Variants in SNTG1 observed in about 807,000 individuals in gnomAD.
SNTG1 encodes the protein gamma-1-syntrophin.
Under a neutral mutation model 74.7 loss-of-function variants are expected in SNTG1, and 39 were observed. That is an observed-to-expected ratio of 0.52 (90% CI 0.40 to 0.68). SNTG1 has a LOEUF of 0.68. Ranked by LOEUF, SNTG1 falls within the 30% of genes least tolerant of loss-of-function variation. The pLI is 0.00. For missense variants in SNTG1, 685 were observed against 609.5 expected, an observed-to-expected ratio of 1.12 and a Z score of -1.30; for synonymous variants, 254 against 217.1, an observed-to-expected ratio of 1.17 and a Z score of -1.49.
In SNTG1 at chr8:50,140,676, C is replaced by T. The variant is rs569097193; in HGVS notation, c.-102-31885C>T. 5.2e-4 allele frequency among the ~76,000 whole-genome samples: 79 copies of T among 152,108 alleles called. 1 individual carries two copies. In the South Asian group the frequency reaches 8.7e-3, roughly 17 times the overall value. Reference sequence around the variant, plus strand: ...ATACATAATACAAACTCCCCCTTGGCCTGCAGAGACCAAGTGCCAACCTCA... The same window carrying T: ...ATACATAATACAAACTCCCCCTTGGTCTGCAGAGACCAAGTGCCAACCTCA... On this transcript the variant is annotated intron_variant, in intron 1 of 18. Coordinates refer to ENST00000642720, the MANE Select transcript of SNTG1 (RefSeq NM_018967.5).
chr8:50,542,969 G>C lies in SNTG1; in HGVS notation c.680+6161G>C, dbSNP rs2625751. On this transcript the variant is annotated intron_variant, in intron 11 of 18. Coordinates refer to ENST00000642720, the MANE Select transcript of SNTG1 (RefSeq NM_018967.5). ...TGTTATTGAGTTGTTTGAGTGTCCT[G>C]TATATTCTGTTCAGTAATTCTTTGT... Among the ~76,000 whole-genome samples, 568 of 152,102 alleles carry C rather than the reference G, an allele frequency of 3.7e-3. 6 individuals are homozygous for C. The highest frequency in any genetic ancestry group is 0.012 in the African/African-American group (511 of 41,500).
At chr8:50,430,501 A>G (rs988190185) in intron 4 of SNTG1, among the ~76,000 whole-genome samples, 1 of 152,222 alleles carries the variant, frequency 6.6e-6, no homozygotes, top group Non-Finnish European at 1.5e-5. Flanking sequence ...ATACATGTAT[A>G]ATAGTATTAG....
intron 1 of SNTG1, among the ~76,000 whole-genome samples, chr8:50,027,678 T>C (rs527502008): frequency 6.6e-6 from 1 of 152,176 alleles, no homozygotes; most frequent in Non-Finnish European, 1.5e-5. Flanking sequence ...ACTTTTAGCC[T>C]TCCTTACTGT....
intron 8 of SNTG1, among the ~76,000 whole-genome samples, chr8:50,486,657 A>G (rs1377490927): frequency 3.4e-5 from 5 of 147,186 alleles, no homozygotes; most frequent in Non-Finnish European, 6.0e-5. Context: ...TCTCCTGCCT[A>G]ATTGCCCTGG....
At chr8:50,774,433 G>A (rs2095634822) in intron 18 of SNTG1, among the ~76,000 whole-genome samples, 1 of 151,778 alleles carries the variant, frequency 6.6e-6, no homozygotes, top group African/African-American at 2.4e-5. Context: ...GTGGAAGTTA[G>A]AAGGTAATAG....
intron 1 of SNTG1, among the ~76,000 whole-genome samples, chr8:50,139,080 T>C (rs897982988): frequency 6.6e-6 from 1 of 152,200 alleles, no homozygotes; most frequent in Non-Finnish European, 1.5e-5. Flanking sequence ...TATATTTGCT[T>C]ACATTTGTGT....
chr8:50,305,308 T>C (rs1305981388), intron 2 of SNTG1, among the ~76,000 whole-genome samples: 1 of 152,184 alleles, frequency 6.6e-6, no homozygotes, highest in Non-Finnish European at 1.5e-5. Context: ...TTCTTTCTCT[T>C]ATGGTGTACC....
At chr8:50,516,214 G>C (rs1428786097) in intron 9 of SNTG1, among the ~76,000 whole-genome samples, 1 of 151,728 alleles carries the variant, frequency 6.6e-6, no homozygotes, top group Admixed American at 6.6e-5. Flanking sequence ...CTTGATTGTT[G>C]GGAGAAAAAC....
chr8:49,945,842 A>C (rs1427210884), intron 1 of SNTG1, among the ~76,000 whole-genome samples: 2 of 152,350 alleles, frequency 1.3e-5, no homozygotes, highest in East Asian at 1.9e-4. Flanking sequence ...CTTTGTGCAC[A>C]GTGGGACCAA....
intron 2 of SNTG1, among the ~76,000 whole-genome samples, chr8:50,372,913 G>C (rs1334843681): frequency 6.6e-6 from 1 of 152,122 alleles, no homozygotes; most frequent in East Asian, 1.9e-4. Context: ...CCAAGAGACA[G>C]TTGGTAAACA....
chr8:49,958,766 G>A (rs1482101989), intron 1 of SNTG1, among the ~76,000 whole-genome samples: 2 of 152,136 alleles, frequency 1.3e-5, no homozygotes, highest in Non-Finnish European at 2.9e-5. Flanking sequence ...AATGTAGTTA[G>A]GATCACTCTT....
intron 1 of SNTG1, among the ~76,000 whole-genome samples, chr8:50,101,541 T>C (rs182442305): frequency 6.6e-6 from 1 of 151,906 alleles, no homozygotes; most frequent in Admixed American, 6.6e-5. Flanking sequence ...ATGGGGAGTA[T>C]ATTTTCTTAT....
At chr8:50,373,903 C>A (rs1030748014) in intron 2 of SNTG1, among the ~76,000 whole-genome samples, 1 of 152,150 alleles carries the variant, frequency 6.6e-6, no homozygotes, top group Non-Finnish European at 1.5e-5. Context: ...CACCTTTACT[C>A]CACTGTGAAT....
chr8:50,399,222 T>A (rs1412660547), intron 3 of SNTG1, among the ~76,000 whole-genome samples: 1 of 147,046 alleles, frequency 6.8e-6, no homozygotes, highest in African/African-American at 2.5e-5. Flanking sequence ...TGTGTGTGTG[T>A]GTGTGTGCTT....
intron 1 of SNTG1, among the ~76,000 whole-genome samples, chr8:50,006,121 C>A (rs1270317467): frequency 6.6e-6 from 1 of 151,870 alleles, no homozygotes; most frequent in Non-Finnish European, 1.5e-5. Flanking sequence ...TGCCACCATG[C>A]CCAGCTAATT....
intron 3 of SNTG1, among the ~76,000 whole-genome samples, chr8:50,396,453 T>A (rs749891603): frequency 6.6e-6 from 1 of 152,168 alleles, no homozygotes; most frequent in Non-Finnish European, 1.5e-5. Context: ...GAAAAGGCCA[T>A]GATCAAAAGT....
At chr8:50,183,583 C>T (rs1007047841) in intron 2 of SNTG1, among the ~76,000 whole-genome samples, 1 of 152,180 alleles carries the variant, frequency 6.6e-6, no homozygotes, top group African/African-American at 2.4e-5. Context: ...AGTATAATCA[C>T]CATTTACATA....
chr8:50,099,932 G>T lies in SNTG1; in HGVS notation c.-102-72629G>T, dbSNP rs113405245. Among the ~76,000 whole-genome samples, 11 of 152,004 alleles carry T rather than the reference G, an allele frequency of 7.2e-5. 1 individual carries two copies. Among genetic ancestry groups the T allele is most frequent in the African/African-American group, 2.4e-4 (10 of 41,506 alleles). On this transcript the variant is annotated intron_variant, in intron 1 of 18. Transcript: ENST00000642720. ...AAATATTTTCTCCCATTTTGTAGGT[G>T]GTCTTTTCACTGTGTTGTTGATTCC... is the stretch of plus-strand genomic sequence containing the variant.
At chr8:50,789,227 G>A (rs1270400496) in intron 18 of SNTG1, among the ~76,000 whole-genome samples, 1 of 151,848 alleles carries the variant, frequency 6.6e-6, no homozygotes, top group African/African-American at 2.4e-5. Flanking sequence ...AATGGCCTCT[G>A]TGTTGCTAAA....
Sources: gnomAD v4.1 joint callset for allele counts (sites outside exome capture counted in the v4.1 genomes callset) on GRCh38, gnomAD v4.1.1 for gene constraint, MANE v1.5 for transcripts, NCBI Gene and HGNC (gene_info 2026-07-23, HGNC 2026-07-21) for gene names.